Variants in CRACDL observed in about 807,000 individuals in gnomAD.
The protein encoded by CRACDL is CRACD-like protein.
In CRACDL, 26 loss-of-function variants were observed where a neutral mutation model predicts 70.6. That is an observed-to-expected ratio of 0.37 (90% CI 0.27 to 0.51). CRACDL has a LOEUF of 0.51. Among genes scored for constraint, CRACDL ranks in the 20% least tolerant of loss-of-function variants. The pLI is 0.94. For missense variants in CRACDL, 1,283 were observed against 1,376.9 expected, an observed-to-expected ratio of 0.93 and a Z score of 1.08; for synonymous variants, 618 against 615.2, an observed-to-expected ratio of 1.00 and a Z score of -0.07.
intron 5 of CRACDL, among the ~76,000 whole-genome samples, 158 bp from the exon 6 acceptor site, chr2:98,827,327 G>A (rs1453967456): frequency 6.6e-6 from 1 of 152,104 alleles, no homozygotes; most frequent in Non-Finnish European, 1.5e-5. Context: ...CCCCAAGATG[G>A]AGTCTTGTTC....
intron 1 of CRACDL, among the ~76,000 whole-genome samples, chr2:98,934,397 G>A (rs968920198): frequency 2.6e-5 from 4 of 151,762 alleles, no homozygotes; most frequent in South Asian, 2.1e-4. Context: ...GCTTCACCAC[G>A]TTGGCCAGAC....
At chr2:98,802,508 C>T (rs1271637686) in intron 7 of CRACDL, among the ~76,000 whole-genome samples, 1 of 152,226 alleles carries the variant, frequency 6.6e-6, no homozygotes, top group Non-Finnish European at 1.5e-5. Context: ...TAAAATGAAC[C>T]CTTTCAAAAA....
At chr2:98,828,469 C>T (rs191685241) in intron 5 of CRACDL, among the ~76,000 whole-genome samples, 22 of 152,308 alleles carry the variant, frequency 1.4e-4, no homozygotes, top group African/African-American at 4.3e-4. Flanking sequence ...TCCCCAGTGG[C>T]GAACTCCTAG....
intron 5 of CRACDL, 122 bp downstream of exon 5, chr2:98,832,226 C>T: frequency 1.0e-6 from 1 of 996,674 alleles, no homozygotes; most frequent in East Asian, 2.4e-5. Context: ...GCTCCAGTGA[C>T]CCAGTTGGCC....
intron 1 of CRACDL, among the ~76,000 whole-genome samples, chr2:98,893,291 TA>T (rs1196484925): frequency 6.7e-6 from 1 of 149,614 alleles, no homozygotes; most frequent in Non-Finnish European, 1.5e-5. Flanking sequence ...GAAGGAACCC[TA>T]TTTTTTTTTT....
intron 1 of CRACDL, among the ~76,000 whole-genome samples, chr2:98,883,163 C>A (rs1707703143): frequency 6.6e-6 from 1 of 152,204 alleles, no homozygotes; most frequent in Admixed American, 6.5e-5. Context: ...GGAAAGGAAG[C>A]CTTTGGATGT....
intron 1 of CRACDL, among the ~76,000 whole-genome samples, chr2:98,878,717 G>A (rs1280478125): frequency 6.6e-6 from 1 of 152,178 alleles, no homozygotes; most frequent in Non-Finnish European, 1.5e-5. Context: ...GTACTATGGG[G>A]TTATGTCCGG....
intron 1 of CRACDL, among the ~76,000 whole-genome samples, chr2:98,920,791 C>T (rs181458738): frequency 5.9e-5 from 9 of 152,320 alleles, no homozygotes; most frequent in African/African-American, 2.2e-4. Flanking sequence ...GAATCACCCA[C>T]GTGTCTGTGT....
chr2:98,898,650 A>G (rs1004595778), intron 1 of CRACDL, among the ~76,000 whole-genome samples: 1 of 152,190 alleles, frequency 6.6e-6, no homozygotes, highest in Non-Finnish European at 1.5e-5. Context: ...TCTAGAGCTC[A>G]GCAGGGCCCA....
chr2:98,850,665 G>A (rs1573069252), intron 1 of CRACDL, among the ~76,000 whole-genome samples: 1 of 152,206 alleles, frequency 6.6e-6, no homozygotes, highest in East Asian at 1.9e-4. Context: ...GACCGCCAGG[G>A]CCTCTTCAGG....
chr2:98,838,452 G>C (rs1433596296), intron 2 of CRACDL, among the ~76,000 whole-genome samples, 165 bp from the exon 3 acceptor site: 1 of 152,164 alleles, frequency 6.6e-6, no homozygotes, highest in Non-Finnish European at 1.5e-5. Context: ...TGGTATACCA[G>C]TTTTGCATAC....
intron 1 of CRACDL, among the ~76,000 whole-genome samples, chr2:98,900,626 C>T (rs185399312): frequency 1.3e-5 from 2 of 152,042 alleles, no homozygotes; most frequent in African/African-American, 2.4e-5. Flanking sequence ...TGCATGCGTG[C>T]GTGCAGGTGT....
chr2:98,872,952 A>G (rs548171522), intron 1 of CRACDL, among the ~76,000 whole-genome samples: 11 of 152,202 alleles, frequency 7.2e-5, no homozygotes, highest in African/African-American at 2.7e-4. Flanking sequence ...CTGACTTCGC[A>G]TGCATTTTGT....
intron 1 of CRACDL, among the ~76,000 whole-genome samples, chr2:98,891,281 G>A (rs1707966600): frequency 6.7e-6 from 1 of 148,386 alleles, no homozygotes; most frequent in Non-Finnish European, 1.5e-5. Flanking sequence ...GGAGGCTGAG[G>A]CAGGAGAATC....
chr2:98,840,057 A>C (rs1705957817), intron 2 of CRACDL, among the ~76,000 whole-genome samples: 1 of 152,002 alleles, frequency 6.6e-6, no homozygotes, highest in African/African-American at 2.4e-5. Context: ...CTGCAGGTTT[A>C]CTTTGCTATT....
At chr2:98,813,419 C>T (rs1331731373) in intron 7 of CRACDL, among the ~76,000 whole-genome samples, 1 of 151,900 alleles carries the variant, frequency 6.6e-6, no homozygotes, top group African/African-American at 2.4e-5. Flanking sequence ...GCAACAAGAG[C>T]AAGACTCTGT....
intron 1 of CRACDL, among the ~76,000 whole-genome samples, chr2:98,931,112 G>C (rs746626620): frequency 6.6e-6 from 1 of 152,124 alleles, no homozygotes; most frequent in Non-Finnish European, 1.5e-5. Context: ...ATCACTTGAG[G>C]TCAGGAGATC....
intron 7 of CRACDL, among the ~76,000 whole-genome samples, chr2:98,810,080 G>A (rs17021962): frequency 0.016 from 2,451 of 152,208 alleles, 186 homozygotes; most frequent in Admixed American, 0.12. Context: ...GACACAGCCT[G>A]GTCCAAGGAT....
At chr2:98,799,351 T>G (rs555355295) in intron 7 of CRACDL, among the ~76,000 whole-genome samples, 19 of 152,144 alleles carry the variant, frequency 1.2e-4, no homozygotes, top group African/African-American at 4.1e-4. Flanking sequence ...ACAAGCGGGG[T>G]GGCCACTGCT....
Sources: allele counts gnomAD v4.1 joint callset (sites outside exome capture counted in the v4.1 genomes callset), GRCh38; gene constraint gnomAD v4.1.1; transcripts MANE v1.5; gene names NCBI Gene and HGNC (gene_info 2026-07-23, HGNC 2026-07-21).